GPHN: variants seen among roughly 807,000 people sequenced by gnomAD.
GPHN encodes gephyrin.
GPHN carries 17 observed loss-of-function variants against 95.5 expected under a neutral mutation model. That is an observed-to-expected ratio of 0.18 (90% confidence interval 0.12 to 0.27). The LOEUF is 0.27. Ranked by LOEUF, GPHN falls within the 10% of genes least tolerant of loss-of-function variation. The pLI is 1.00. For synonymous variants in GPHN, 320 were observed against 322.5 expected (o/e 0.99, Z 0.08); for missense variants, 660 against 978.1 (o/e 0.67, Z 4.34).
chr14:66,866,222 C>A (rs1037181546), intron 4 of GPHN, among the ~76,000 whole-genome samples: 3 of 152,088 alleles, frequency 2.0e-5, no homozygotes, highest in African/African-American at 7.2e-5. Flanking sequence ...TTTTTTCCTC[C>A]ATATCTACAT....
chr14:67,604,142 A>G, the GPHN span, among the ~76,000 whole-genome samples: 1 of 152,166 alleles, frequency 6.6e-6, no homozygotes, highest in East Asian at 1.9e-4. Context: ...ACAGGCGCAA[A>G]GGTTTTAGCT....
At chr14:67,027,456 GA>G (rs2073985434) in intron 10 of GPHN, among the ~76,000 whole-genome samples, 1 of 151,950 alleles carries the variant, frequency 6.6e-6, no homozygotes, top group Non-Finnish European at 1.5e-5. Flanking sequence ...TCAGCCTCCT[GA>G]GTAGCTGGGA....
At chr14:66,781,920 T>C (rs2059620632) in intron 3 of GPHN, among the ~76,000 whole-genome samples, 1 of 152,204 alleles carries the variant, frequency 6.6e-6, no homozygotes, top group African/African-American at 2.4e-5. Flanking sequence ...AAGAAACATG[T>C]ATTTTCAACT....
chr14:67,725,188 C>T, the GPHN span: 1 of 1,614,068 alleles, frequency 6.2e-7, no homozygotes, highest in African/African-American at 1.3e-5. Context: ...CTCCCAGGTG[C>T]TGGTGCGGAA....
At chr14:66,572,834 C>T (rs931704391) in intron 1 of GPHN, among the ~76,000 whole-genome samples, 19 of 152,124 alleles carry the variant, frequency 1.2e-4, no homozygotes, top group African/African-American at 4.3e-4. Flanking sequence ...TGTCTAGTTC[C>T]TGATCAGAGA....
At chr14:66,751,778 A>T (rs1158380997) in intron 2 of GPHN, among the ~76,000 whole-genome samples, 1 of 152,100 alleles carries the variant, frequency 6.6e-6, no homozygotes, top group African/African-American at 2.4e-5. Flanking sequence ...TTCAACTTAA[A>T]GTCACTAGCT....
the GPHN span, among the ~76,000 whole-genome samples, chr14:67,382,012 A>C: frequency 6.6e-6 from 1 of 152,082 alleles, no homozygotes; most frequent in Non-Finnish European, 1.5e-5. Flanking sequence ...ACTTTCTTCT[A>C]TCTGTACACA....
chr14:67,515,552 C>G, the GPHN span: 8 of 153,660 alleles, frequency 5.2e-5, no homozygotes, highest in Middle Eastern at 3.4e-3. Flanking sequence ...GGCCCGCTGT[C>G]CCCTCCGACC....
rs2069781469 is a variant in GPHN, at chr14:66,971,554, T to C, written c.963+6229T>C. On this transcript the variant is annotated intron_variant, in intron 9 of 22. Transcript: ENST00000478722. ...TTGTTCTGATTGAAGAATAAACAAATTGAGCCTCATATAGATATATAGTTA... is the reference window on the plus strand; with the variant it reads ...TTGTTCTGATTGAAGAATAAACAAACTGAGCCTCATATAGATATATAGTTA... Among the ~76,000 whole-genome samples the C allele has an allele frequency of 5.9e-5, 9 of 152,168 alleles. No individual in the cohort carries two copies. In the South Asian group the frequency reaches 1.7e-3, roughly 28 times the overall value.
chr14:67,640,933 C>T, the GPHN span, among the ~76,000 whole-genome samples: 48 of 152,224 alleles, frequency 3.2e-4, no homozygotes, highest in African/African-American at 1.0e-3. Context: ...AAATCTGAAA[C>T]TTTTTGAGCA....
At chr14:66,888,083 C>T (rs572023686) in intron 5 of GPHN, among the ~76,000 whole-genome samples, 17 of 151,940 alleles carry the variant, frequency 1.1e-4, no homozygotes, top group South Asian at 8.3e-4. Flanking sequence ...TTCTGAGAAA[C>T]GAAAAAACAG....
At chr14:67,052,526 A>G (rs1273127444) in intron 10 of GPHN, among the ~76,000 whole-genome samples, 1 of 151,982 alleles carries the variant, frequency 6.6e-6, no homozygotes, top group Non-Finnish European at 1.5e-5. Context: ...TGCACTGTCA[A>G]TATTAGATCA....
the GPHN span, chr14:67,575,511 TCCCC>T: frequency 9.2e-6 from 12 of 1,300,942 alleles, no homozygotes; most frequent in Non-Finnish European, 1.3e-5. Context: ...CTCTCCTGCT[TCCCC>T]CGAAGCACAT....
intron 9 of GPHN, among the ~76,000 whole-genome samples, chr14:67,011,478 G>A (rs954160299): frequency 1.3e-5 from 2 of 150,476 alleles, no homozygotes; most frequent in African/African-American, 4.9e-5. Flanking sequence ...GGAGGCTGAG[G>A]TGGGAGGATC....
In GPHN at chr14:67,129,656, G is replaced by C. The variant is rs1429412050; in HGVS notation, c.1748+7279G>C. On this transcript the variant is annotated intron_variant, in intron 17 of 22. Coordinates refer to ENST00000478722, the MANE Select transcript of GPHN (RefSeq NM_020806.5). ...ATTTTGTTTTCTCCAAGCATAAAAAGTATTTCATAGCTATGTTTTGTTTTC... is the reference window on the plus strand; with the variant it reads ...ATTTTGTTTTCTCCAAGCATAAAAACTATTTCATAGCTATGTTTTGTTTTC... 3.9e-5 allele frequency among the ~76,000 whole-genome samples: 6 copies of C among 152,076 alleles called. No homozygotes were observed. In the East Asian group the frequency reaches 1.2e-3, roughly 29 times the overall value.
chr14:66,742,935 T>G (rs1253224692), intron 2 of GPHN, among the ~76,000 whole-genome samples: 20 of 152,134 alleles, frequency 1.3e-4, no homozygotes, highest in Admixed American at 9.8e-4. Context: ...CTAATTTTTT[T>G]TTGTATTTTT....
chr14:67,643,926 G>C, the GPHN span, among the ~76,000 whole-genome samples: 1 of 141,720 alleles, frequency 7.1e-6, no homozygotes, highest in Non-Finnish European at 1.5e-5. Context: ...TCCCTACTGA[G>C]ATGACTAGGC....
At chr14:67,674,718 G>C in the GPHN span, 2 of 435,126 alleles carry the variant, frequency 4.6e-6, no homozygotes, top group Non-Finnish European at 8.2e-6. Flanking sequence ...GAGAAGTCGG[G>C]AGACTGCGCG....
At chr14:66,594,891 A>G (rs2061908912) in intron 1 of GPHN, among the ~76,000 whole-genome samples, 1 of 152,204 alleles carries the variant, frequency 6.6e-6, no homozygotes, top group Non-Finnish European at 1.5e-5. Context: ...GGAAAAGGAG[A>G]AAGTATGTGA....
Sources: allele counts gnomAD v4.1 joint callset (sites outside exome capture counted in the v4.1 genomes callset), GRCh38; gene constraint gnomAD v4.1.1; transcripts MANE v1.5; gene names NCBI Gene and HGNC (gene_info 2026-07-23, HGNC 2026-07-21).